The following INF2 variants were observed in gnomAD, a reference collection of about 807,000 sequenced individuals.
INF2 encodes the protein inverted formin 2.
In INF2, 43 loss-of-function variants were observed where a neutral mutation model predicts 123.5. That is an observed-to-expected ratio of 0.35 (90% CI 0.27 to 0.45). The LOEUF (loss-of-function observed/expected upper bound fraction) is 0.45. Among genes scored for constraint, INF2 ranks in the 20% least tolerant of loss-of-function variants. The pLI, the probability that INF2 is intolerant of heterozygous loss-of-function variation, is 1.00. For synonymous variants in INF2, 851 were observed against 745.0 expected (o/e 1.14, Z -2.32); for missense variants, 1,453 against 1,682.7 (o/e 0.86, Z 2.39).
chr14:104,681,866 GGGGAGCCAGGCA>G lies in INF2; in HGVS notation c.-104+299_-104+310del, dbSNP rs1318944057. On this transcript the variant is annotated intron_variant, in intron 1 of 2. Transcript: ENST00000674723. ...CCGGCCTGGACGTTGAAGTCTAACT[GGGGAGCCAGGCA>G]GGGAGCCAGGCAGGAAACCGGATGC... Among the ~76,000 whole-genome samples the G allele has an allele frequency of 4.6e-5, 7 of 152,336 alleles. No homozygotes were observed. In the East Asian group the frequency reaches 7.7e-4, roughly 17 times the overall value.
intron 1 of INF2, among the ~76,000 whole-genome samples, chr14:104,692,381 G>A (rs1888995741): frequency 6.6e-6 from 1 of 152,228 alleles, no homozygotes; most frequent in African/African-American, 2.4e-5. Context: ...CTGGAGCCCA[G>A]CCCCGCTCAG....
chr14:104,701,254 G>A, intron 1 of INF2, 103 bp from the exon 2 acceptor site: 1 of 1,301,388 alleles, frequency 7.7e-7, no homozygotes, highest in Non-Finnish European at 1.1e-6. Context: ...AGGAATTGCA[G>A]CAGAGAAACT....
chr14:104,688,702 G>T (rs1362771407), upstream of INF2, among the ~76,000 whole-genome samples: 1 of 152,206 alleles, frequency 6.6e-6, no homozygotes, highest in African/African-American at 2.4e-5. Flanking sequence ...CATGTCACAC[G>T]GGGGCTCCCC....
chr14:104,707,020 C>T lies in INF2; in HGVS notation c.954C>T (p.Leu318=), dbSNP rs1324424829. 6.3e-7 allele frequency: 1 copy of T among 1,589,564 alleles called. No individual in the cohort carries two copies. The highest frequency in any genetic ancestry group is 1.1e-5 in the South Asian group (1 of 89,020). ...TGCTCTGGGAGGCCCTGGAGAGCCT[C>T]GTGAACCGGGCCGTGCTCCTGGCCA... ...SQLLWEALES[L]VNRAVLLASD... is the part of the protein sequence containing the mutation. Residue 318 remains leucine, a synonymous_variant, in exon 7 of 23, where the codon CTC becomes CTT. Transcript: ENST00000392634.
Position 104,699,535 on chromosome 14 carries a change from G to C in INF2, c.-9-1822G>C, listed in dbSNP as rs73345582. ...CGATGAGAAGCCAGGGGAGCGTGAGGAGCAGCCCAGGACAGGGCCCAGAGT... is the reference window on the plus strand; with the variant it reads ...CGATGAGAAGCCAGGGGAGCGTGAGCAGCAGCCCAGGACAGGGCCCAGAGT... On this transcript the variant is annotated intron_variant, in intron 1 of 22. Coordinates refer to ENST00000392634, the MANE Select transcript of INF2 (RefSeq NM_022489.4). The surrounding 1 kb of genome is among the most constrained non-coding windows in gnomAD (Gnocchi z 4.7). 0.11 allele frequency: 109,002 copies of C among 985,108 alleles called. 8,905 individuals are homozygous for C. Among genetic ancestry groups the C allele is most frequent in the African/African-American group, 0.41 (23,238 of 57,224 alleles). The allele number at this position is 985,108 out of a possible 1,614,324, so 61.0% of individuals were successfully genotyped here. A position where few individuals can be genotyped will look rare whatever the true frequency, so the allele number is the denominator to read the frequency against.
chr14:104,708,091 G>C, intron 8 of INF2, 89 bp downstream of exon 8: 1 of 1,576,972 alleles, frequency 6.3e-7, no homozygotes. Context: ...CATGGAACTT[G>C]TGTGCGCGTC....
chr14:104,711,824 A>C, intron 16 of INF2, 125 bp downstream of exon 16: 1 of 809,292 alleles, frequency 1.2e-6, no homozygotes, highest in South Asian at 1.6e-5. Flanking sequence ...GGCGCCACGG[A>C]GCCCTGCCCA....
intron 22 of INF2, 65 bp downstream of exon 22, chr14:104,715,405 G>A: frequency 7.0e-7 from 1 of 1,423,558 alleles, no homozygotes; most frequent in Non-Finnish European, 9.9e-7. Context: ...GCTGGAGCTT[G>A]CTGCCCACAC....
rs555884131 is a variant in INF2 at position 104,722,507 on chromosome 14, T to C, written c.*3714T>C. On this transcript the variant is annotated 3_prime_UTR_variant, in exon 23 of 23. Transcript: ENST00000392634. The stretch of plus-strand genomic sequence containing the variant: ...GGACATTTAACATTGTCGGTTTCTC[T>C]CATCTGGAAACAAACCTCCATGACG... 1 of 152,322 alleles carries C rather than the reference T, an allele frequency of 6.6e-6. No individual in the cohort carries two copies. The allele number at this position is 152,322 out of a possible 1,614,324, so 9.4% of individuals were successfully genotyped here. A position where few individuals can be genotyped will look rare whatever the true frequency, so the allele number is the denominator to read the frequency against.
upstream of INF2, chr14:104,684,940 T>C (rs1290937598): frequency 6.6e-6 from 1 of 152,238 alleles, no homozygotes; most frequent in Non-Finnish European, 1.5e-5. This position sits in a 1 kb window ranked among gnomAD's most constrained non-coding sequence, Gnocchi z 5.0. Flanking sequence ...GCACTACAAC[T>C]CATGCCTGTA....
chr14:104,714,834 G>A lies in INF2; in HGVS notation c.3672G>A (p.Lys1224=). Residue 1224 remains lysine (K), a synonymous_variant, in exon 21 of 23, where the codon AAG becomes AAA. Transcript: ENST00000392634. ...AGGGGACCGGGAAGCGAAGGAAGAA[G>A]CGTCCCTCCAGGAGCCAGGAAGGTA... ...ASKGTGKRRK[K]RPSRSQEEVP... The A allele has an allele frequency of 6.3e-7, 1 of 1,589,902 alleles. No individual in the cohort carries two copies. Among genetic ancestry groups the A allele is most frequent in the Non-Finnish European group, 8.5e-7 (1 of 1,170,810 alleles).
At chr14:104,681,645 G>A in intron 1 of INF2, 2 of 1,247,510 alleles carry the variant, frequency 1.6e-6, no homozygotes, top group South Asian at 1.3e-5. Flanking sequence ...AGACACGGGG[G>A]CGGAGAGGTG....
chr14:104,714,081 G>A, intron 20 of INF2, 122 bp from the exon 21 acceptor site: 1 of 846,720 alleles, frequency 1.2e-6, no homozygotes, highest in Non-Finnish European at 1.8e-6. Context: ...AGACATCAGA[G>A]GAGGCTTTCT....
chr14:104,707,998 A>G lies in INF2; in HGVS notation c.1731A>G (p.Ala577=). The G allele has an allele frequency of 6.3e-7, 1 of 1,598,132 alleles. No individual in the cohort carries two copies. Among genetic ancestry groups the G allele is most frequent in the Non-Finnish European group, 8.5e-7 (1 of 1,179,702 alleles). The change falls in exon 8 of 23, where the codon GCA becomes GCG. Residue 577 remains alanine, a synonymous_variant. Transcript: ENST00000392634. ...LNWQKLPSNV[A]REHNSMWASL... ...GGCAGAAGCTGCCATCCAACGTGGC[A>G]CGTGGTGAGGGTCCCCAGACCCCCA...
At chr14:104,706,792 A>T in intron 6 of INF2, 118 bp from the exon 7 acceptor site, 2 of 1,147,078 alleles carry the variant, frequency 1.7e-6, no homozygotes, top group Non-Finnish European at 2.4e-6. Flanking sequence ...TCTCATCTCT[A>T]GGGATCCGTG....
At chr14:104,689,178 G>T (rs572470151), upstream of INF2, 236 of 982,494 alleles carry the variant, frequency 2.4e-4, 1 homozygote, top group African/African-American at 3.8e-3. Flanking sequence ...TCTGCTGAGG[G>T]ATCCCCGAAC....
rs1020226389 is a variant in INF2, at chr14:104,713,668, C to T, written c.3040+62C>T. The T allele has an allele frequency of 1.9e-5, 29 of 1,557,472 alleles. 1 individual carries two copies. In the Middle Eastern group the frequency reaches 8.7e-4, roughly 46 times the overall value. On this transcript the variant is annotated intron_variant, in intron 20 of 22. Coordinates refer to ENST00000392634, the MANE Select transcript of INF2 (RefSeq NM_022489.4). The stretch of plus-strand genomic sequence containing the variant: ...TGCCACTGTCCCTACCCTGTGCCTC[C>T]AGGAAGTCCTCCTGACTTCACTGGA...
At position 104,684,040 on chromosome 14, in the gene INF2, C is replaced by A; in HGVS notation, c.-104+2458C>A. 2.2e-6 allele frequency: 1 copy of A among 456,052 alleles called. No homozygotes were observed. The allele number at this position is 456,052 out of a possible 1,614,324, so 28.3% of individuals were successfully genotyped here. ...ATTCCCAACACCAGGGTTGCAAGGC[C>A]CAGTGTCTTCTCACCTCGTTAGGTG... On this transcript the variant is annotated intron_variant, in intron 1 of 2. Transcript: ENST00000674723. This position sits in a 1 kb window ranked among gnomAD's most constrained non-coding sequence, Gnocchi z 5.0.
chr14:104,706,888 C>T (rs1207044575), intron 6 of INF2, 22 bp from the exon 7 acceptor site: 6 of 1,601,876 alleles, frequency 3.7e-6, no homozygotes, highest in African/African-American at 1.3e-5. Flanking sequence ...TGCTGACCTG[C>T]ACCCCACACT....
Sources: allele counts gnomAD v4.1 joint callset (sites outside exome capture counted in the v4.1 genomes callset), GRCh38; gene constraint gnomAD v4.1.1; non-coding constraint Gnocchi (gnomAD v3.1); transcripts MANE v1.5; gene names NCBI Gene and HGNC (gene_info 2026-07-23, HGNC 2026-07-21).